MRPS9: variants seen among roughly 807,000 people sequenced by gnomAD.
The protein encoded by MRPS9 is mitochondrial ribosomal protein S9, also known as small ribosomal subunit protein uS9m.
A neutral mutation model predicts 59.9 loss-of-function variants in MRPS9; 45 were observed. The ratio of observed to expected loss-of-function variants is 0.75; its 90% CI spans 0.59 to 0.96. The LOEUF is 0.96. Ranked by LOEUF, MRPS9 falls within the 40% of genes least tolerant of loss-of-function variation. The pLI is 0.00. For missense variants in MRPS9, 473 were observed against 481.1 expected (o/e 0.98, Z 0.16); for synonymous variants, 171 against 166.8 (o/e 1.03, Z -0.19).
intron 2 of MRPS9, among the ~76,000 whole-genome samples, chr2:105,059,561 ATTTTTTGTT>A (rs959306401): frequency 1.3e-5 from 2 of 151,006 alleles, no homozygotes; most frequent in Non-Finnish European, 1.5e-5. Flanking sequence ...ATATGTTTTC[ATTTTTTGTT>A]TTTTTTGTTT....
chr2:105,090,054 C>T, intron 7 of MRPS9, 59 bp downstream of exon 7: 1 of 958,950 alleles, frequency 1.0e-6, no homozygotes, highest in Non-Finnish European at 1.6e-6. Flanking sequence ...CAGACAATTG[C>T]TGTATTTAGG....
chr2:105,070,433 A>G lies in MRPS9; in HGVS notation c.316-880A>G, dbSNP rs1046728502. 3.3e-5 allele frequency among the ~76,000 whole-genome samples: 5 copies of G among 152,308 alleles called. No homozygotes were observed. In the East Asian group the frequency reaches 5.8e-4, roughly 18 times the overall value. ...TGGCAGAGTCTGATCCAGCACATTT[A>G]CTATGCGGGTAGGCAGAGAAGGCCC... On this transcript the variant is annotated intron_variant, in intron 2 of 10. Transcript: ENST00000258455.
intron 2 of MRPS9, among the ~76,000 whole-genome samples, chr2:105,050,252 G>A (rs1413858770): frequency 6.6e-6 from 1 of 152,038 alleles, no homozygotes; most frequent in East Asian, 1.9e-4. Context: ...CAGTTCTCCT[G>A]CCTCAGCCTC....
intron 4 of MRPS9, among the ~76,000 whole-genome samples, chr2:105,073,502 G>T (rs1351637081): frequency 6.6e-6 from 1 of 152,062 alleles, no homozygotes; most frequent in Non-Finnish European, 1.5e-5. Flanking sequence ...AGGATAAACT[G>T]ATTTTTTTGT....
At chr2:105,067,793 C>T (rs1338052452) in intron 2 of MRPS9, among the ~76,000 whole-genome samples, 3 of 151,964 alleles carry the variant, frequency 2.0e-5, no homozygotes, top group East Asian at 1.9e-4. Flanking sequence ...CATGAATGTG[C>T]ATGTCACATA....
chr2:105,097,360 T>A (rs761701238), intron 10 of MRPS9, 36 bp downstream of exon 10: 38 of 1,516,540 alleles, frequency 2.5e-5, no homozygotes, highest in Non-Finnish European at 3.3e-5. Context: ...GGTGGCCCAA[T>A]ACTGGCTATA....
At chr2:105,090,362 T>TAA (rs1680535437) in intron 7 of MRPS9, among the ~76,000 whole-genome samples, 1 of 152,244 alleles carries the variant, frequency 6.6e-6, no homozygotes, top group Non-Finnish European at 1.5e-5. Flanking sequence ...GGAGTCATTA[T>TAA]AGGTTAAGTA....
chr2:105,057,913 T>A (rs971528074), intron 2 of MRPS9, among the ~76,000 whole-genome samples: 4 of 151,840 alleles, frequency 2.6e-5, no homozygotes, highest in African/African-American at 9.7e-5. Flanking sequence ...AGTTAAGTTC[T>A]ACATTACTAT....
chr2:105,065,409 A>G (rs1446814733), intron 2 of MRPS9, among the ~76,000 whole-genome samples: 1 of 152,202 alleles, frequency 6.6e-6, no homozygotes, highest in Non-Finnish European at 1.5e-5. Context: ...GAGCTCATGA[A>G]TGCATGCTAT....
At chr2:105,090,857 T>G (rs1027188497) in intron 7 of MRPS9, among the ~76,000 whole-genome samples, 6 of 152,228 alleles carry the variant, frequency 3.9e-5, no homozygotes, top group African/African-American at 1.4e-4. Context: ...TGTACTTGAA[T>G]TGTTCTTTTT....
At chr2:105,097,689 T>C (rs1281252273) in intron 10 of MRPS9, among the ~76,000 whole-genome samples, 3 of 152,214 alleles carry the variant, frequency 2.0e-5, no homozygotes, top group Non-Finnish European at 4.4e-5. Context: ...TGTTTTATCA[T>C]AGAAATGTGT....
chr2:105,076,011 T>G (rs182749853), intron 4 of MRPS9, among the ~76,000 whole-genome samples: 1 of 151,078 alleles, frequency 6.6e-6, no homozygotes, highest in Non-Finnish European at 1.5e-5. Flanking sequence ...AAAAAAAAAG[T>G]GTGGCTAAAA....
At chr2:105,084,628 A>G (rs951645086) in intron 5 of MRPS9, among the ~76,000 whole-genome samples, 6 of 152,202 alleles carry the variant, frequency 3.9e-5, no homozygotes, top group African/African-American at 1.4e-4. Flanking sequence ...AAAAATTAAG[A>G]TAGTGACCCT....
intron 5 of MRPS9, among the ~76,000 whole-genome samples, chr2:105,087,835 T>C (rs1052105527): frequency 4.0e-5 from 3 of 74,686 alleles, no homozygotes; most frequent in African/African-American, 1.5e-4. Flanking sequence ...TTCCTTCCTT[T>C]GATTCCTCAA....
At chr2:105,048,355 G>A (rs1679636179) in intron 1 of MRPS9, among the ~76,000 whole-genome samples, 1 of 151,612 alleles carries the variant, frequency 6.6e-6, no homozygotes, top group African/African-American at 2.4e-5. Flanking sequence ...ACTGTTGTGG[G>A]ATGGGGGGAG....
chr2:105,088,525 TTAAA>T (rs1328592106), intron 5 of MRPS9, among the ~76,000 whole-genome samples: 5 of 152,086 alleles, frequency 3.3e-5, no homozygotes, highest in Admixed American at 2.6e-4. Flanking sequence ...TATTTAAATA[TTAAA>T]TAAGTAGTAA....
chr2:105,044,941 T>C (rs559651895), intron 1 of MRPS9, among the ~76,000 whole-genome samples: 1 of 152,142 alleles, frequency 6.6e-6, no homozygotes, highest in African/African-American at 2.4e-5. Context: ...CAAGAAGATA[T>C]GATTAAAGGA....
intron 4 of MRPS9, among the ~76,000 whole-genome samples, chr2:105,078,856 C>T (rs902288668): frequency 2.0e-5 from 3 of 151,656 alleles, no homozygotes; most frequent in African/African-American, 7.3e-5. Context: ...ATAAAAATTC[C>T]AGAAGAAATA....
At chr2:105,048,051 C>T (rs1377626836) in intron 1 of MRPS9, among the ~76,000 whole-genome samples, 2 of 151,936 alleles carry the variant, frequency 1.3e-5, no homozygotes, top group African/African-American at 2.4e-5. Flanking sequence ...CACATGCACA[C>T]GTATGTTTAT....
Sources: allele counts gnomAD v4.1 joint callset (sites outside exome capture counted in the v4.1 genomes callset), GRCh38; gene constraint gnomAD v4.1.1; transcripts MANE v1.5; gene names NCBI Gene and HGNC (gene_info 2026-07-23, HGNC 2026-07-21).